THSD7B: variants seen among roughly 807,000 people sequenced by gnomAD.
The protein encoded by THSD7B is thrombospondin type-1 domain-containing protein 7B.
Under a neutral mutation model 213.6 loss-of-function variants are expected in THSD7B, and 138 were observed. The ratio of observed to expected loss-of-function variants is 0.65; its 90% confidence interval spans 0.56 to 0.74. The LOEUF (loss-of-function observed/expected upper bound fraction) is 0.74. Among genes scored for constraint, THSD7B ranks in the 30% least tolerant of loss-of-function variants. The pLI is 0.00. For missense variants in THSD7B, 1,931 were observed against 1,991.5 expected (o/e 0.97, Z 0.58); for synonymous variants, 742 against 687.0 (o/e 1.08, Z -1.25).
chr2:137,283,938 C>CT (rs1419761666), intron 12 of THSD7B, among the ~76,000 whole-genome samples: 3 of 152,120 alleles, frequency 2.0e-5, no homozygotes, highest in Non-Finnish European at 4.4e-5. Flanking sequence ...AGAATTCCCT[C>CT]TTTTTCTGTT....
chr2:136,987,740 T>C (rs566192713), intron 2 of THSD7B, among the ~76,000 whole-genome samples: 1 of 152,318 alleles, frequency 6.6e-6, no homozygotes, highest in Admixed American at 6.5e-5. Context: ...TTTGGTCAAG[T>C]GCCAAAGATT....
intron 7 of THSD7B, among the ~76,000 whole-genome samples, chr2:137,230,131 T>G (rs1243305928): frequency 6.6e-6 from 1 of 152,198 alleles, no homozygotes; most frequent in Non-Finnish European, 1.5e-5. Flanking sequence ...AAGAGGAATA[T>G]TTGAATTCTA....
intron 1 of THSD7B, among the ~76,000 whole-genome samples, chr2:136,829,697 G>A (rs910624852): frequency 2.0e-5 from 3 of 152,180 alleles, no homozygotes; most frequent in African/African-American, 7.2e-5. Context: ...AAAATTAATA[G>A]GGACAGGGAA....
chr2:136,831,641 AG>A (rs1682757759), intron 1 of THSD7B, among the ~76,000 whole-genome samples: 1 of 152,258 alleles, frequency 6.6e-6, no homozygotes, highest in Non-Finnish European at 1.5e-5. Flanking sequence ...TTGTGCAAAA[AG>A]ACATGGACAT....
intron 17 of THSD7B, 74 bp from the exon 18 acceptor site, chr2:137,616,101 T>TTATGTGCCTACATAAGTGCCTACATAAGA: frequency 6.6e-7 from 1 of 1,506,938 alleles, no homozygotes. Context: ...ATGTGCCTAC[T>TTATGTGCCTACATAAGTGCCTACATAAGA]TATACCTGTA....
intron 12 of THSD7B, among the ~76,000 whole-genome samples, chr2:137,339,858 A>G (rs1248594443): frequency 6.6e-6 from 1 of 151,780 alleles, no homozygotes; most frequent in African/African-American, 2.4e-5. Context: ...GAGTTAAGGA[A>G]AGAGGGAAAA....
intron 12 of THSD7B, among the ~76,000 whole-genome samples, chr2:137,397,110 C>G (rs937392876): frequency 1.1e-4 from 17 of 150,390 alleles, no homozygotes; most frequent in Non-Finnish European, 1.8e-4. Flanking sequence ...GGTCTTGACT[C>G]TTTATCCAGT....
chr2:137,046,777 C>G (rs942320252), intron 2 of THSD7B, among the ~76,000 whole-genome samples: 3 of 148,386 alleles, frequency 2.0e-5, no homozygotes, highest in Admixed American at 1.4e-4. Flanking sequence ...TCCATATGGC[C>G]GCCCAGGTAT....
At chr2:137,150,861 G>A (rs1179053935) in intron 5 of THSD7B, among the ~76,000 whole-genome samples, 1 of 152,116 alleles carries the variant, frequency 6.6e-6, no homozygotes, top group Non-Finnish European at 1.5e-5. Flanking sequence ...TTACTGTGCT[G>A]AATAATGTAG....
Position 137,170,819 on chromosome 2 carries a change from T to C in THSD7B, c.1604T>C (p.Val535Ala). 1 of 1,613,764 alleles carries C rather than the reference T, an allele frequency of 6.2e-7. No individual in the cohort carries two copies. Among genetic ancestry groups the C allele is most frequent in the Non-Finnish European group, 8.5e-7 (1 of 1,179,768 alleles). ...AGHCPHLVES[V>A]PCEDPMCYRW... ...CATTGCCCTCATTTGGTGGAGTCTG[T>C]TCCTTGTGAGGATCCAATGTGCTAC... Residue 535 changes from valine to alanine, a missense_variant, in exon 7 of 28, where the codon GTT (valine) becomes GCT (alanine). Physicochemically the swap from Val to Ala is moderately conservative, Grantham distance 64 (BLOSUM62 0). Coordinates refer to ENST00000409968, the MANE Select transcript of THSD7B (RefSeq NM_001316349.2).
intron 12 of THSD7B, among the ~76,000 whole-genome samples, chr2:137,376,420 A>T (rs1302603371): frequency 6.6e-6 from 1 of 152,204 alleles, no homozygotes; most frequent in African/African-American, 2.4e-5. Context: ...GCAGGTGACT[A>T]AAGCACCATC....
chr2:137,462,976 T>C (rs1201246077), intron 15 of THSD7B, among the ~76,000 whole-genome samples: 1 of 152,092 alleles, frequency 6.6e-6, no homozygotes, highest in East Asian at 1.9e-4. Flanking sequence ...GGAAAACAAG[T>C]CCATGCATAG....
intron 12 of THSD7B, among the ~76,000 whole-genome samples, chr2:137,320,222 C>T (rs568436133): frequency 1.3e-5 from 2 of 152,280 alleles, no homozygotes; most frequent in African/African-American, 4.8e-5. Context: ...TGATCTCTTA[C>T]ATGTGCAAAG....
chr2:137,088,498 A>G (rs574512179), intron 3 of THSD7B, among the ~76,000 whole-genome samples: 1 of 152,170 alleles, frequency 6.6e-6, no homozygotes, highest in South Asian at 2.1e-4. Context: ...TTAAGGACTT[A>G]AATCTAAGGC....
intron 12 of THSD7B, among the ~76,000 whole-genome samples, chr2:137,342,428 A>C (rs749060633): frequency 6.6e-6 from 1 of 151,388 alleles, no homozygotes; most frequent in Admixed American, 6.6e-5. Context: ...AGGATTTTTC[A>C]TATATAAGAA....
chr2:137,672,699 G>A (rs1402868391), intron 27 of THSD7B, among the ~76,000 whole-genome samples: 1 of 152,154 alleles, frequency 6.6e-6, no homozygotes, highest in Non-Finnish European at 1.5e-5. Flanking sequence ...CAAGAGAACT[G>A]CTATAATATG....
At chr2:137,580,557 C>A (rs576293531) in intron 17 of THSD7B, among the ~76,000 whole-genome samples, 1 of 152,204 alleles carries the variant, frequency 6.6e-6, no homozygotes, top group East Asian at 1.9e-4. Context: ...GACATACATA[C>A]TTTATTAGGA....
intron 2 of THSD7B, among the ~76,000 whole-genome samples, chr2:136,927,672 G>A (rs181526083): frequency 6.8e-4 from 104 of 152,288 alleles, no homozygotes; most frequent in Non-Finnish European, 1.2e-3. Context: ...TGAATGTTGC[G>A]TCTGGGGAAT....
chr2:137,003,112 A>G (rs1265455479), intron 2 of THSD7B, among the ~76,000 whole-genome samples: 1 of 152,190 alleles, frequency 6.6e-6, no homozygotes, highest in Non-Finnish European at 1.5e-5. Context: ...AAGTCAGGTA[A>G]TAAGGGTATG....
Sources: allele counts gnomAD v4.1 joint callset (sites outside exome capture counted in the v4.1 genomes callset), GRCh38; gene constraint gnomAD v4.1.1; transcripts MANE v1.5; gene names NCBI Gene and HGNC (gene_info 2026-07-23, HGNC 2026-07-21).